The following DNHD1 variants were observed in gnomAD, a reference collection of about 807,000 sequenced individuals.
DNHD1 encodes the protein dynein heavy chain domain 1, also known as dynein heavy chain domain-containing protein 1.
Under a neutral mutation model 458.1 loss-of-function variants are expected in DNHD1, and 383 were observed. The ratio of observed to expected loss-of-function variants is 0.84; its 90% CI spans 0.77 to 0.91. DNHD1 has a LOEUF of 0.91. DNHD1 is among the 40% of genes least tolerant of loss of function. The probability of loss-of-function intolerance (pLI) is 0.00; values close to 1 mark genes in which losing one functional copy is unlikely to be tolerated. For synonymous variants in DNHD1, 2,203 were observed against 2,376.9 expected, an observed-to-expected ratio of 0.93 and a Z score of 2.13; for missense variants, 5,336 against 5,866.1, an observed-to-expected ratio of 0.91 and a Z score of 2.95.
rs767430259 is a variant in DNHD1, at chr11:6,558,989, A to G, written c.9299A>G (p.His3100Arg). ...ATCCACCTTTCGGCCACCCACTACC[A>G]TGAGCACCTGTGCCCTGCATTGCCA... ...ALIHLSATHY[H>R]EHLCPALPLV... Residue 3100 changes from histidine to arginine, a missense_variant, in exon 27 of 43, where the codon CAT becomes CGT. Coordinates refer to ENST00000254579, the MANE Select transcript of DNHD1 (RefSeq NM_144666.3). 2.5e-5 allele frequency: 39 copies of G among 1,551,500 alleles called. No individual in the cohort carries two copies. In the East Asian group the frequency reaches 9.0e-4, roughly 36 times the overall value.
At position 6,549,873 on chromosome 11, in the gene DNHD1, G is replaced by A. The variant is rs146886314; in HGVS notation, c.7387+940G>A. On this transcript the variant is annotated intron_variant, in intron 24 of 42. Transcript: ENST00000254579. ...AGGAGAAAAATCTTGATAAAAATTT[G>A]GGATATTGAAGTGTAAAGTTTCTAA... Among the ~76,000 whole-genome samples, 38 of 152,270 alleles carry A rather than the reference G, an allele frequency of 2.5e-4. No homozygotes were observed. The East Asian group carries it at 6.4e-3, about 26-fold the overall frequency.
Position 6,570,998 on chromosome 11 carries a change from G to C in DNHD1, c.13486G>C (p.Val4496Leu). ...ETEALELSQL[V>L]GTLQRDLDCL... is the part of the protein sequence containing the mutation. ...CGAGGCTCTAGAACTGAGCCAGTTGGTGGGCACGCTACAACGCGACCTTGA... is the reference window on the plus strand; with the variant it reads ...CGAGGCTCTAGAACTGAGCCAGTTGCTGGGCACGCTACAACGCGACCTTGA... Residue 4496 changes from valine to leucine, a missense_variant, in exon 42 of 43, where the codon GTG becomes CTG. By Grantham distance (32) the Val-to-Leu change is conservative. Coordinates refer to ENST00000254579, the MANE Select transcript of DNHD1 (RefSeq NM_144666.3). 6.2e-7 allele frequency: 1 copy of C among 1,600,972 alleles called. No homozygotes were observed. Among genetic ancestry groups the C allele is most frequent in the Non-Finnish European group, 8.5e-7 (1 of 1,170,786 alleles).
At position 6,568,161 on chromosome 11, in the gene DNHD1, G is replaced by A. The variant is rs1431901032; in HGVS notation, c.12457G>A (p.Val4153Met). 2 of 1,555,198 alleles carry A rather than the reference G, an allele frequency of 1.3e-6. No homozygotes were observed. Among genetic ancestry groups the A allele is most frequent in the African/African-American group, 2.7e-5 (2 of 73,222 alleles). Reference sequence around the variant, plus strand: ...GGCTATGTATGAGGGGCACTGGCTGGTGCTGGACAACTGTCATCTGATGCC... The same window carrying A: ...GGCTATGTATGAGGGGCACTGGCTGATGCTGGACAACTGTCATCTGATGCC... The part of the protein sequence containing the change: ...SQAMYEGHWL[V>M]LDNCHLMPHW... The change falls in exon 37 of 43, where the codon GTG (valine) becomes ATG (methionine). Residue 4153 changes from valine (V) to methionine (M), a missense_variant. Physicochemically the swap from Val to Met is conservative, Grantham distance 21 (BLOSUM62 1). Around this residue, in one of 4 missense-constraint regions of DNHD1, gnomAD observed 695 missense variants for 804.2 expected, o/e 0.86. Transcript: ENST00000254579.
chr11:6,562,677 C>A (rs1853609155), intron 28 of DNHD1, among the ~76,000 whole-genome samples: 1 of 152,170 alleles, frequency 6.6e-6, no homozygotes, highest in African/African-American at 2.4e-5. Context: ...TCTTCTGTGA[C>A]AACTGCTGCT....
rs1368440182 is a variant in DNHD1, at chr11:6,557,453, T to C, written c.8158T>C (p.Phe2720Leu). ...SEGELAQWED[F>L]SNSNSETEEE... The stretch of plus-strand genomic sequence containing the variant: ...AGGGGAGTTGGCCCAGTGGGAGGAC[T>C]TCAGCAACAGCAATAGTGAAACAGA... The change falls in exon 25 of 43, where the codon TTC becomes CTC. Residue 2720 changes from phenylalanine (F) to leucine (L), a missense_variant. Phe to Leu is a conservative substitution (Grantham distance 22, BLOSUM62 0). Around this residue, in one of 4 missense-constraint regions of DNHD1, gnomAD observed 3,932 missense variants for 4,365.6 expected, o/e 0.90. Coordinates refer to ENST00000254579, the MANE Select transcript of DNHD1 (RefSeq NM_144666.3). 6.4e-7 allele frequency: 1 copy of C among 1,551,468 alleles called. No individual in the cohort carries two copies. Among genetic ancestry groups the C allele is most frequent in the Admixed American group, 2.0e-5 (1 of 50,964 alleles).
chr11:6,498,871 C>T lies in DNHD1; in HGVS notation c.656C>T (p.Pro219Leu), dbSNP rs1474463927. Residue 219 changes from proline to leucine, a missense_variant, in exon 3 of 43, where the codon CCC (proline) becomes CTC (leucine). Transcript: ENST00000254579. Reference protein sequence around the residue: ...AVWLDGLSLLPLALAADIPVR... With the variant: ...AVWLDGLSLLLLALAADIPVR... ...TGGCTGGATGGACTTAGTCTCCTTCCCTTGGCACTGGCAGCGGACATCCCT... is the reference window on the plus strand; with the variant it reads ...TGGCTGGATGGACTTAGTCTCCTTCTCTTGGCACTGGCAGCGGACATCCCT... 2.5e-6 allele frequency: 4 copies of T among 1,614,230 alleles called. No individual in the cohort carries two copies. The South Asian group carries it at 4.4e-5, about 18-fold the overall frequency.
chr11:6,533,002 T>C, intron 12 of DNHD1, 25 bp from the exon 13 acceptor site: 1 of 1,549,822 alleles, frequency 6.5e-7, no homozygotes, highest in East Asian at 2.4e-5. Flanking sequence ...ATGCGTCCCC[T>C]CACACCTTAC....
chr11:6,566,816 G>T, intron 35 of DNHD1, 51 bp downstream of exon 35: 2 of 1,599,020 alleles, frequency 1.3e-6, no homozygotes, highest in Non-Finnish European at 1.7e-6. Context: ...ATGGACCTGG[G>T]TAAGGGGGTG....
chr11:6,534,802 A>G (rs1034954724), intron 14 of DNHD1, among the ~76,000 whole-genome samples: 1 of 152,240 alleles, frequency 6.6e-6, no homozygotes, highest in African/African-American at 2.4e-5. Context: ...GCTAGAGTGC[A>G]GTGTCATGAT....
chr11:6,508,693 G>A (rs1010661054), intron 4 of DNHD1, 187 bp from the exon 5 acceptor site: 10 of 590,260 alleles, frequency 1.7e-5, no homozygotes, highest in African/African-American at 1.7e-4. Context: ...CTTTGGCTTC[G>A]GTTTCTTCTT....
chr11:6,500,150 A>G (rs1852105975), intron 3 of DNHD1, among the ~76,000 whole-genome samples: 1 of 151,802 alleles, frequency 6.6e-6, no homozygotes, highest in South Asian at 2.1e-4. Flanking sequence ...TTTTCAGTAG[A>G]GACAGTGTTT....
Position 6,568,592 on chromosome 11 carries a change from C to A in DNHD1, c.12661+16C>A. The A allele has an allele frequency of 6.2e-7, 1 of 1,613,868 alleles. No homozygotes were observed. The highest frequency in any genetic ancestry group is 1.7e-5 in the Admixed American group (1 of 60,002). On this transcript the variant is annotated intron_variant, in intron 38 of 42. Transcript: ENST00000254579. ...TCTTTGCCAGGTGAGGAGCTTAACCCCCTACAGGCTCTCAAATTGGAAGTG... is the reference window on the plus strand; with the variant it reads ...TCTTTGCCAGGTGAGGAGCTTAACCACCTACAGGCTCTCAAATTGGAAGTG...
chr11:6,571,825 G>A lies in DNHD1; in HGVS notation c.14101G>A (p.Asp4701Asn), dbSNP rs764197274. The A allele has an allele frequency of 5.0e-6, 8 of 1,613,978 alleles. No individual in the cohort carries two copies. In the East Asian group the frequency reaches 6.7e-5, roughly 13 times the overall value. The part of the protein sequence containing the change: ...PGTSDLPAPA[D>N]LTVYSCPVYM... ...CACCAGTGACCTGCCAGCCCCAGCC[G>A]ACCTGACTGTGTACTCGTGTCCTGT... is the stretch of plus-strand genomic sequence containing the variant. The change falls in exon 43 of 43, where the codon GAC (aspartate) becomes AAC (asparagine). Residue 4701 changes from aspartate (D) to asparagine (N), a missense_variant. By Grantham distance (23) the Asp-to-Asn change is conservative. Around this residue, in one of 4 missense-constraint regions of DNHD1, gnomAD observed 698 missense variants for 664.9 expected, o/e 1.05. Transcript: ENST00000254579. This position sits in a 1 kb window ranked among gnomAD's most constrained non-coding sequence, Gnocchi z 5.0.
intron 7 of DNHD1, among the ~76,000 whole-genome samples, chr11:6,517,719 C>T (rs1244178122): frequency 8.1e-6 from 1 of 123,248 alleles, no homozygotes; most frequent in African/African-American, 3.0e-5. Context: ...AGACTGGAGA[C>T]CTCATGATCT....
At position 6,502,759 on chromosome 11, in the gene DNHD1, G is replaced by A. The variant is rs139180173; in HGVS notation, c.753G>A (p.Gln251=). 7.9e-4 allele frequency: 1,267 copies of A among 1,597,692 alleles called. No individual in the cohort carries two copies. Among genetic ancestry groups the A allele is most frequent in the Non-Finnish European group, 1.0e-3 (1,197 of 1,172,970 alleles). Residue 251 remains glutamine (Q), a synonymous_variant, in exon 4 of 43, where the codon CAG becomes CAA. Coordinates refer to ENST00000254579, the MANE Select transcript of DNHD1 (RefSeq NM_144666.3). ...CTGATTTTCTGTCACACAGGTCTCA[G>A]CTTGACTATGAAGTTCCCAGGGAAA... ...EPVGRKETRS[Q]LDYEVPREKA...
chr11:6,502,584 T>C (rs1305075879), intron 3 of DNHD1, among the ~76,000 whole-genome samples, 169 bp from the exon 4 acceptor site: 2 of 152,200 alleles, frequency 1.3e-5, no homozygotes, highest in Non-Finnish European at 2.9e-5. Context: ...ATTTGCCCAG[T>C]ATGTGGTATC....
At position 6,567,180 on chromosome 11, in the gene DNHD1, A is replaced by G; in HGVS notation, c.11671A>G (p.Ser3891Gly). The G allele has an allele frequency of 6.2e-7, 1 of 1,614,060 alleles. No homozygotes were observed. ...WLAVTKQALD[S>G]MKPREINHGE... Reference sequence around the variant, plus strand: ...GGCAGTCACTAAGCAGGCTCTGGACAGCATGAAGCCACGTGAGATTAATCA... The same window carrying G: ...GGCAGTCACTAAGCAGGCTCTGGACGGCATGAAGCCACGTGAGATTAATCA... Residue 3891 changes from serine (S) to glycine (G), a missense_variant, in exon 36 of 43, where the codon AGC becomes GGC. Transcript: ENST00000254579.
Position 6,519,725 on chromosome 11 carries a change from G to C in DNHD1, c.1518G>C (p.Lys506Asn). Residue 506 changes from lysine (K) to asparagine (N), a missense_variant, in exon 8 of 43, where the codon AAG (lysine) becomes AAC (asparagine). Coordinates refer to ENST00000254579, the MANE Select transcript of DNHD1 (RefSeq NM_144666.3). ...QRVQHKQLEQKLKQAEAWWLQ... is the reference protein window; with the variant it reads ...QRVQHKQLEQNLKQAEAWWLQ... Reference sequence around the variant, plus strand: ...TACAGCACAAGCAACTGGAGCAGAAGCTGAAGCAAGCAGAGGCCTGGTGGC... The same window carrying C: ...TACAGCACAAGCAACTGGAGCAGAACCTGAAGCAAGCAGAGGCCTGGTGGC... 6.2e-7 allele frequency: 1 copy of C among 1,614,202 alleles called. No homozygotes were observed. Among genetic ancestry groups the C allele is most frequent in the Non-Finnish European group, 8.5e-7 (1 of 1,180,032 alleles).
intron 4 of DNHD1, among the ~76,000 whole-genome samples, chr11:6,507,162 G>A (rs1485564094): frequency 6.6e-6 from 1 of 152,136 alleles, no homozygotes; most frequent in Non-Finnish European, 1.5e-5. Flanking sequence ...TCATCTTTAT[G>A]TCCCCATCTC....
Sources: gnomAD v4.1 joint callset for allele counts (sites outside exome capture counted in the v4.1 genomes callset) on GRCh38, gnomAD v4.1.1 for gene constraint, gnomAD v4.1.1 regional missense constraint, Gnocchi (gnomAD v3.1) non-coding constraint, MANE v1.5 for transcripts, NCBI Gene and HGNC (gene_info 2026-07-23, HGNC 2026-07-21) for gene names.